PRKG1: variants seen among roughly 807,000 people sequenced by gnomAD.
PRKG1 encodes the protein cGMP-dependent protein kinase 1.
In PRKG1, 35 loss-of-function variants were observed where a neutral mutation model predicts 88.1. The observed-to-expected ratio is 0.40, with a 90% CI of 0.30 to 0.53. The LOEUF is 0.53. PRKG1 is among the 20% of genes least tolerant of loss of function. The pLI is 0.59. For missense variants in PRKG1, 540 were observed against 839.8 expected, an observed-to-expected ratio of 0.64 and a Z score of 4.41; for synonymous variants, 303 against 292.5, an observed-to-expected ratio of 1.04 and a Z score of -0.37.
intron 4 of PRKG1, among the ~76,000 whole-genome samples, chr10:51,885,547 C>T (rs1246541658): frequency 6.6e-6 from 1 of 152,184 alleles, no homozygotes; most frequent in Non-Finnish European, 1.5e-5. Context: ...GGCTCTTTAC[C>T]GTTAGACACC....
intron 1 of PRKG1, among the ~76,000 whole-genome samples, chr10:51,113,976 T>A (rs1845042539): frequency 6.6e-6 from 1 of 150,900 alleles, no homozygotes; most frequent in South Asian, 2.1e-4. Flanking sequence ...TGTGTGTGTG[T>A]GTGTGTGTGT....
At chr10:52,187,272 A>G (rs1339235609) in intron 9 of PRKG1, among the ~76,000 whole-genome samples, 1 of 152,156 alleles carries the variant, frequency 6.6e-6, no homozygotes, top group Non-Finnish European at 1.5e-5. Flanking sequence ...GCATTTTTTT[A>G]CATTAGATGT....
chr10:51,734,087 T>A (rs1298134901), intron 3 of PRKG1, among the ~76,000 whole-genome samples: 2 of 151,748 alleles, frequency 1.3e-5, no homozygotes, highest in African/African-American at 2.4e-5. Flanking sequence ...AAAATTATTA[T>A]TTTTTTTGCT....
At chr10:52,151,422 G>GA (rs1837913324) in intron 8 of PRKG1, among the ~76,000 whole-genome samples, 2 of 152,232 alleles carry the variant, frequency 1.3e-5, no homozygotes, top group Admixed American at 1.3e-4. Flanking sequence ...ACAGTGTTAT[G>GA]AAAAAATTAA....
intron 2 of PRKG1, among the ~76,000 whole-genome samples, chr10:51,186,797 C>G (rs543792125): frequency 6.6e-6 from 1 of 151,766 alleles, no homozygotes; most frequent in South Asian, 2.1e-4. Flanking sequence ...TTTTCACCTT[C>G]TGAGATCTCT....
chr10:51,077,642 G>A (rs1843991094), intron 1 of PRKG1, among the ~76,000 whole-genome samples: 1 of 152,068 alleles, frequency 6.6e-6, no homozygotes, highest in Non-Finnish European at 1.5e-5. Flanking sequence ...CCTTTAATGT[G>A]GGAATTGGAG....
chr10:51,120,578 T>A (rs538568049), intron 1 of PRKG1, among the ~76,000 whole-genome samples: 1 of 152,228 alleles, frequency 6.6e-6, no homozygotes, highest in South Asian at 2.1e-4. Context: ...CAAGCACATG[T>A]AGAGGAGTTT....
chr10:51,232,825 G>C (rs1478779874), intron 2 of PRKG1, among the ~76,000 whole-genome samples: 1 of 152,084 alleles, frequency 6.6e-6, no homozygotes, highest in African/African-American at 2.4e-5. Flanking sequence ...CCCCTACCTT[G>C]GCTCCTAGAA....
chr10:52,032,375 C>G (rs1308546062), intron 5 of PRKG1, among the ~76,000 whole-genome samples: 1 of 152,080 alleles, frequency 6.6e-6, no homozygotes, highest in African/African-American at 2.4e-5. Flanking sequence ...AATTATTCAA[C>G]CTGTTCAAGT....
At chr10:51,075,581 A>T (rs1204043883) in intron 1 of PRKG1, among the ~76,000 whole-genome samples, 1 of 152,252 alleles carries the variant, frequency 6.6e-6, no homozygotes, top group African/African-American at 2.4e-5. Context: ...ATTTTACTTA[A>T]GAAACGTGCA....
intron 1 of PRKG1, among the ~76,000 whole-genome samples, chr10:51,079,803 C>T (rs766620823): frequency 6.6e-6 from 1 of 151,990 alleles, no homozygotes; most frequent in African/African-American, 2.4e-5. Flanking sequence ...TGTTAATAGT[C>T]GTAACTATAT....
At chr10:51,766,481 C>T (rs1838166902) in intron 3 of PRKG1, among the ~76,000 whole-genome samples, 1 of 152,086 alleles carries the variant, frequency 6.6e-6, no homozygotes, top group Non-Finnish European at 1.5e-5. Context: ...AGACCTGCCC[C>T]CCAACCATGC....
intron 4 of PRKG1, among the ~76,000 whole-genome samples, chr10:51,812,514 A>G (rs1369265298): frequency 6.6e-6 from 1 of 152,154 alleles, no homozygotes; most frequent in African/African-American, 2.4e-5. Context: ...CTTCTCAGAT[A>G]CAGTGGTTAT....
chr10:51,792,644 T>C (rs746770341), intron 3 of PRKG1, among the ~76,000 whole-genome samples: 1 of 152,136 alleles, frequency 6.6e-6, no homozygotes, highest in Non-Finnish European at 1.5e-5. Context: ...AGCACCTATT[T>C]TTTGGTGCCT....
chr10:51,845,504 G>A (rs1840375195), intron 4 of PRKG1, among the ~76,000 whole-genome samples: 1 of 152,188 alleles, frequency 6.6e-6, no homozygotes, highest in African/African-American at 2.4e-5. Flanking sequence ...TTAACCCATG[G>A]TTTTCTCATA....
At chr10:51,863,059 C>A (rs138808088) in intron 4 of PRKG1, among the ~76,000 whole-genome samples, 105 of 152,190 alleles carry the variant, frequency 6.9e-4, no homozygotes, top group African/African-American at 2.4e-3. Context: ...CTTACTCTCT[C>A]CCATTTCTCT....
At chr10:51,313,432 T>C (rs148307695) in intron 2 of PRKG1, among the ~76,000 whole-genome samples, 4,796 of 152,252 alleles carry the variant, frequency 0.032, 123 homozygotes, top group South Asian at 0.076. Flanking sequence ...CTGCAAAGGG[T>C]AAAGTCCAGC....
At chr10:51,121,471 T>C (rs1311596641) in intron 1 of PRKG1, among the ~76,000 whole-genome samples, 1 of 152,142 alleles carries the variant, frequency 6.6e-6, no homozygotes, top group Non-Finnish European at 1.5e-5. Flanking sequence ...ATTAAATAAA[T>C]ACAGGAGGGA....
chr10:52,269,516 A>G (rs1241832551), intron 10 of PRKG1, among the ~76,000 whole-genome samples: 2 of 152,110 alleles, frequency 1.3e-5, no homozygotes, highest in Non-Finnish European at 2.9e-5. Flanking sequence ...TGCCACATGA[A>G]TATCTTCGAA....
Sources: gnomAD v4.1 joint callset for allele counts (sites outside exome capture counted in the v4.1 genomes callset) on GRCh38, gnomAD v4.1.1 for gene constraint, MANE v1.5 for transcripts, NCBI Gene and HGNC (gene_info 2026-07-23, HGNC 2026-07-21) for gene names.